Variants in MAST3 observed in about 807,000 individuals in gnomAD.
The protein encoded by MAST3 is microtubule associated serine/threonine kinase 3.
Under a neutral mutation model 127.0 loss-of-function variants are expected in MAST3, and 43 were observed. The observed-to-expected ratio is 0.34, with a 90% CI of 0.27 to 0.44. The LOEUF is 0.44. Among genes scored for constraint, MAST3 ranks in the 20% least tolerant of loss-of-function variants. The pLI is 1.00. For missense variants in MAST3, 1,390 were observed against 1,919.1 expected, an observed-to-expected ratio of 0.72 and a Z score of 5.15; for synonymous variants, 785 against 809.2, an observed-to-expected ratio of 0.97 and a Z score of 0.51.
At chr19:18,128,828 G>A in intron 12 of MAST3, 38 bp from the exon 13 acceptor site, 2 of 1,535,886 alleles carry the variant, frequency 1.3e-6, no homozygotes, top group Non-Finnish European at 9.0e-7. Flanking sequence ...TCCCAGCTCT[G>A]CAGCGGGGCA....
chr19:18,128,169 A>G (rs1229893253), intron 11 of MAST3, among the ~76,000 whole-genome samples: 1 of 152,216 alleles, frequency 6.6e-6, no homozygotes, highest in East Asian at 1.9e-4. Flanking sequence ...AAGTTTGATC[A>G]TGACTGAGCA....
Position 18,112,775 on chromosome 19 carries a change from A to AT in MAST3, c.161+2042dup, listed in dbSNP as rs904799125. Among the ~76,000 whole-genome samples, 4 of 151,886 alleles carry AT rather than the reference A, an allele frequency of 2.6e-5. No homozygotes were observed. The highest frequency in any genetic ancestry group is 5.9e-5 in the Non-Finnish European group (4 of 67,956). On this transcript the variant is annotated intron_variant, in intron 3 of 27. Coordinates refer to ENST00000687212, the MANE Select transcript of MAST3 (RefSeq NM_001393504.1). The surrounding 1 kb of genome is among the most constrained non-coding windows in gnomAD (Gnocchi z 4.1). Reference sequence around the variant, plus strand: ...CGTGAGCCACTGCACCCCGCCTGAGATTTTTTTTAAGCCTCTGTGTCTGCC... The same window carrying AT: ...CGTGAGCCACTGCACCCCGCCTGAGATTTTTTTTTAAGCCTCTGTGTCTGCC...
At chr19:18,105,030 C>T (rs555215487) in intron 1 of MAST3, among the ~76,000 whole-genome samples, 63 of 152,290 alleles carry the variant, frequency 4.1e-4, no homozygotes, top group Non-Finnish European at 7.1e-4. Flanking sequence ...TGGGTGTCCC[C>T]AGATTCTAAA....
rs371611625 is a variant in MAST3 at position 18,134,569 on chromosome 19, C to G, written c.1572-10C>G. On this transcript the variant is annotated splice_polypyrimidine_tract_variant and intron_variant, in intron 15 of 27. Transcript: ENST00000687212. ...CCCCAGCTCTGAGCACACTCCTAACCTGCCCACAGTCTGCTCATCACCTCG... is the reference window on the plus strand; with the variant it reads ...CCCCAGCTCTGAGCACACTCCTAACGTGCCCACAGTCTGCTCATCACCTCG... The G allele has an allele frequency of 6.2e-7, 1 of 1,608,518 alleles. No individual in the cohort carries two copies. The highest frequency in any genetic ancestry group is 8.5e-7 in the Non-Finnish European group (1 of 1,176,464).
Position 18,135,811 on chromosome 19 carries a change from C to T in MAST3, c.1942C>T (p.Arg648Trp), listed in dbSNP as rs780560590. The change falls in exon 18 of 28, where the codon CGG becomes TGG. Residue 648 changes from arginine (R) to tryptophan (W), a missense_variant. By Grantham distance (101) the Arg-to-Trp change is moderately radical. Transcript: ENST00000687212. ...DAQDLITRLLRQSPLDRLGTG... is the reference protein window; with the variant it reads ...DAQDLITRLLWQSPLDRLGTG... ...CCAGGACCTCATCACCAGGTTGCTCCGGCAGAGCCCGCTGGACCGTCTGGG... is the reference window on the plus strand; with the variant it reads ...CCAGGACCTCATCACCAGGTTGCTCTGGCAGAGCCCGCTGGACCGTCTGGG... 9 of 1,610,110 alleles carry T rather than the reference C, an allele frequency of 5.6e-6. No homozygotes were observed. Among genetic ancestry groups the T allele is most frequent in the East Asian group, 4.5e-5 (2 of 44,748 alleles).
At chr19:18,140,960 A>C (rs2147693208) in intron 20 of MAST3, among the ~76,000 whole-genome samples, 1 of 151,402 alleles carries the variant, frequency 6.6e-6, no homozygotes, top group South Asian at 2.1e-4. Flanking sequence ...CACCCGGCTA[A>C]TTTTTGTATT....
intron 3 of MAST3, among the ~76,000 whole-genome samples, chr19:18,111,247 G>C (rs1362132573): frequency 6.6e-6 from 1 of 151,838 alleles, no homozygotes; most frequent in African/African-American, 2.4e-5. Context: ...GAAAACTGAG[G>C]CTCAGAGAGG....
chr19:18,144,749 G>A lies in MAST3; in HGVS notation c.2812+56G>A. ...TGTCTGCACCCATTTTCACCAACAG[G>A]GTGGGGGCCCTTCCTGAGTTGGGGA... is the stretch of plus-strand genomic sequence containing the variant. On this transcript the variant is annotated intron_variant, in intron 23 of 27. Coordinates refer to ENST00000687212, the MANE Select transcript of MAST3 (RefSeq NM_001393504.1). This position sits in a 1 kb window ranked among gnomAD's most constrained non-coding sequence, Gnocchi z 4.0. The A allele has an allele frequency of 6.3e-7, 1 of 1,576,634 alleles. No homozygotes were observed. Among genetic ancestry groups the A allele is most frequent in the Non-Finnish European group, 8.6e-7 (1 of 1,158,930 alleles).
At chr19:18,098,814 T>C (rs2037272022) in intron 1 of MAST3, 1 of 456,364 alleles carries the variant, frequency 2.2e-6, no homozygotes, top group Non-Finnish European at 4.4e-6. Flanking sequence ...AGCGGAGTGT[T>C]CTGCAACCTC....
chr19:18,137,381 G>GA lies in MAST3; in HGVS notation c.2095+21dup. 6.2e-7 allele frequency: 1 copy of GA among 1,608,462 alleles called. No homozygotes were observed. Among genetic ancestry groups the GA allele is most frequent in the Non-Finnish European group, 8.5e-7 (1 of 1,176,554 alleles). On this transcript the variant is annotated intron_variant, in intron 19 of 27. Coordinates refer to ENST00000687212, the MANE Select transcript of MAST3 (RefSeq NM_001393504.1). ...TTGACAGTAAGGAGGGATCCCCCTG[G>GA]AGGGGGGGCGGGGGGTGCTCTGCCA...
chr19:18,110,402 AGGG>A lies in MAST3; in HGVS notation c.72-249_72-247del. On this transcript the variant is annotated intron_variant, in intron 2 of 27. Coordinates refer to ENST00000687212, the MANE Select transcript of MAST3 (RefSeq NM_001393504.1). The surrounding 1 kb of genome is among the most constrained non-coding windows in gnomAD (Gnocchi z 4.3). Reference sequence around the variant, plus strand: ...GGCAGGGCGGGGGTATGCGGGGTGCAGGGAGGACAGGATGACAACTACCCTCCC... The same window carrying A: ...GGCAGGGCGGGGGTATGCGGGGTGCAAGGACAGGATGACAACTACCCTCCC... The A allele has an allele frequency of 6.1e-6, 6 of 985,486 alleles. No homozygotes were observed. The highest frequency in any genetic ancestry group is 7.2e-6 in the Non-Finnish European group (6 of 829,932). 61.0% of individuals were successfully genotyped at this position (985,486 alleles called of 1,614,324 possible).
In MAST3 at chr19:18,116,235, AG is replaced by A. The variant is rs1220948616; in HGVS notation, c.162-5448del. Among the ~76,000 whole-genome samples the A allele has an allele frequency of 2.0e-5, 3 of 151,296 alleles. No individual in the cohort carries two copies. The East Asian group carries it at 5.8e-4, about 29-fold the overall frequency. ...CAGCCTCCAGAGCAGCTGGGAATAC[AG>A]GCATGCACCACCATGCCCAGCTATT... On this transcript the variant is annotated intron_variant, in intron 3 of 27. Transcript: ENST00000687212.
chr19:18,125,790 G>A (rs1239252531), intron 11 of MAST3, among the ~76,000 whole-genome samples: 1 of 151,750 alleles, frequency 6.6e-6, no homozygotes, highest in African/African-American at 2.4e-5. Flanking sequence ...AGTGGCTCAC[G>A]CCTGTAATCC....
rs1568623039 is a variant in MAST3, at chr19:18,149,719, G to A, written c.4037G>A (p.Arg1346Lys). The A allele has an allele frequency of 6.2e-7, 1 of 1,612,298 alleles. No homozygotes were observed. The highest frequency in any genetic ancestry group is 8.5e-7 in the Non-Finnish European group (1 of 1,179,654). Residue 1346 changes from arginine (R) to lysine (K), a missense_variant, in exon 28 of 28, where the codon AGA becomes AAA. This residue lies in a region of MAST3 where 816 missense variants were observed against 934.1 expected (regional missense o/e 0.87). Coordinates refer to ENST00000687212, the MANE Select transcript of MAST3 (RefSeq NM_001393504.1). This position sits in a 1 kb window ranked among gnomAD's most constrained non-coding sequence, Gnocchi z 5.9. The stretch of plus-strand genomic sequence containing the variant: ...CCAGTAGCTCTCGGGCCCACCGGAA[G>A]AGACTGATCCCCTGCCAGGTCTCTC... ...AVPVALGPTGRD is the reference protein window; with the variant it reads ...AVPVALGPTGKD
chr19:18,104,779 G>C (rs957079718), intron 1 of MAST3, among the ~76,000 whole-genome samples: 1 of 152,172 alleles, frequency 6.6e-6, no homozygotes, highest in Non-Finnish European at 1.5e-5. Context: ...CCCGCGGTTC[G>C]TAGGAGGTGG....
chr19:18,141,377 CT>C (rs370099564), intron 20 of MAST3, among the ~76,000 whole-genome samples: 40 of 122,760 alleles, frequency 3.3e-4, no homozygotes, highest in Non-Finnish European at 4.4e-4. Context: ...AGCCAGCTTT[CT>C]TTTTTTTTTT....
rs774499866 is a variant in MAST3, at chr19:18,149,517, A to C, written c.3835A>C (p.Thr1279Pro). ...GCTGGATGGGGAGGCGGGGCGGCGCACTCGTGGGCCAGAGGCCGAGCTCGT... is the reference window on the plus strand; with the variant it reads ...GCTGGATGGGGAGGCGGGGCGGCGCCCTCGTGGGCCAGAGGCCGAGCTCGT... ...ERLDGEAGRR[T>P]RGPEAELVVM... The change falls in exon 28 of 28, where the codon ACT becomes CCT. Residue 1279 changes from threonine (T) to proline (P), a missense_variant. Around this residue, in one of 5 missense-constraint regions of MAST3, gnomAD observed 816 missense variants for 934.1 expected, o/e 0.87. Coordinates refer to ENST00000687212, the MANE Select transcript of MAST3 (RefSeq NM_001393504.1). This position sits in a 1 kb window ranked among gnomAD's most constrained non-coding sequence, Gnocchi z 5.9. The C allele has an allele frequency of 1.9e-6, 3 of 1,550,872 alleles. No individual in the cohort carries two copies. Among genetic ancestry groups the C allele is most frequent in the Non-Finnish European group, 2.6e-6 (3 of 1,147,844 alleles).
chr19:18,112,202 G>A lies in MAST3; in HGVS notation c.161+1461G>A, dbSNP rs902587878. Among the ~76,000 whole-genome samples the A allele has an allele frequency of 6.6e-6, 1 of 152,182 alleles. No individual in the cohort carries two copies. The highest frequency in any genetic ancestry group is 1.5e-5 in the Non-Finnish European group (1 of 68,028). On this transcript the variant is annotated intron_variant, in intron 3 of 27. Coordinates refer to ENST00000687212, the MANE Select transcript of MAST3 (RefSeq NM_001393504.1). This position sits in a 1 kb window ranked among gnomAD's most constrained non-coding sequence, Gnocchi z 4.1. ...TTTTTTGAGACAGTCTCACTTTGTC[G>A]CCCAGGTTGGACTGCAGTGGCATGA...
At chr19:18,122,256 C>A in intron 5 of MAST3, 1 of 424,028 alleles carries the variant, frequency 2.4e-6, no homozygotes, top group Non-Finnish European at 3.2e-6. Context: ...ATGTGCCAGA[C>A]GCTTGCATTT....
Sources: gnomAD v4.1 joint callset for allele counts (sites outside exome capture counted in the v4.1 genomes callset) on GRCh38, gnomAD v4.1.1 for gene constraint, gnomAD v4.1.1 regional missense constraint, Gnocchi (gnomAD v3.1) non-coding constraint, MANE v1.5 for transcripts, NCBI Gene and HGNC (gene_info 2026-07-23, HGNC 2026-07-21) for gene names.